The following NELL1 variants were observed in gnomAD, a reference collection of about 807,000 sequenced individuals.
NELL1 encodes neural EGFL like 1, also known as protein kinase C-binding protein NELL1.
In NELL1, 76 loss-of-function variants were observed where a neutral mutation model predicts 107.4. The ratio of observed to expected loss-of-function variants is 0.71; its 90% CI spans 0.59 to 0.86. The LOEUF (loss-of-function observed/expected upper bound fraction) is 0.86, where lower values mean the gene tolerates loss of function less well. Ranked by LOEUF, NELL1 falls within the 40% of genes least tolerant of loss-of-function variation. The probability of loss-of-function intolerance (pLI) is 0.00; values close to 1 mark genes in which losing one functional copy is unlikely to be tolerated. For synonymous variants in NELL1, 353 were observed against 341.2 expected, an observed-to-expected ratio of 1.03 and a Z score of -0.38; for missense variants, 1,024 against 1,005.5, an observed-to-expected ratio of 1.02 and a Z score of -0.25.
chr11:21,562,137 C>T (rs1856864584), intron 17 of NELL1, among the ~76,000 whole-genome samples: 1 of 152,032 alleles, frequency 6.6e-6, no homozygotes, highest in Non-Finnish European at 1.5e-5. Flanking sequence ...ATTCTTCTTT[C>T]AGTTTTTGTT....
chr11:21,008,271 G>A (rs1330050710), intron 12 of NELL1, among the ~76,000 whole-genome samples: 2 of 152,074 alleles, frequency 1.3e-5, no homozygotes, highest in African/African-American at 4.8e-5. Flanking sequence ...TATACCTTAA[G>A]TGTAGCTGAA....
chr11:21,249,373 C>T (rs1317929089), intron 14 of NELL1, among the ~76,000 whole-genome samples: 1 of 151,816 alleles, frequency 6.6e-6, no homozygotes, highest in East Asian at 1.9e-4. Flanking sequence ...TCAATTTCAA[C>T]AGATATATTC....
intron 15 of NELL1, among the ~76,000 whole-genome samples, chr11:21,519,697 A>G (rs1855669881): frequency 6.6e-6 from 1 of 152,016 alleles, no homozygotes; most frequent in African/African-American, 2.4e-5. Context: ...AGGATGAAGG[A>G]TGGGGAATGT....
At chr11:21,560,471 G>A (rs1351193278) in intron 17 of NELL1, 89 bp downstream of exon 17, 2 of 1,161,384 alleles carry the variant, frequency 1.7e-6, no homozygotes, top group Non-Finnish European at 2.4e-6. Flanking sequence ...CCCTCTTGCT[G>A]TTGACTGTAG....
chr11:20,671,124 C>G (rs1853896466), intron 1 of NELL1: 1 of 152,372 alleles, frequency 6.6e-6, no homozygotes, highest in Non-Finnish European at 1.5e-5. Context: ...CCTCCCATTC[C>G]GTTCCTTACC....
intron 15 of NELL1, among the ~76,000 whole-genome samples, chr11:21,379,816 A>T (rs904521789): frequency 1.3e-5 from 2 of 152,084 alleles, no homozygotes; most frequent in Admixed American, 1.3e-4. Flanking sequence ...AAAAAGAATG[A>T]TCAGAAACAA....
intron 2 of NELL1, among the ~76,000 whole-genome samples, chr11:20,771,764 C>A (rs1384864564): frequency 6.6e-6 from 1 of 152,100 alleles, no homozygotes; most frequent in Non-Finnish European, 1.5e-5. Context: ...CTTCTGTGTG[C>A]CACAACTGTC....
intron 12 of NELL1, among the ~76,000 whole-genome samples, chr11:21,086,913 C>T (rs1182559351): frequency 2.1e-5 from 3 of 146,000 alleles, no homozygotes; most frequent in Non-Finnish European, 4.5e-5. Flanking sequence ...CTCACTGCAA[C>T]CTCCCCCTCC....
chr11:21,228,755 C>T (rs971835870), intron 13 of NELL1, among the ~76,000 whole-genome samples: 1 of 129,738 alleles, frequency 7.7e-6, no homozygotes, highest in African/African-American at 2.8e-5. Context: ...CTGCCCTCCC[C>T]TCCTTTCCTC....
chr11:20,848,016 A>C (rs1432099894), intron 4 of NELL1, among the ~76,000 whole-genome samples: 1 of 152,192 alleles, frequency 6.6e-6, no homozygotes, highest in Non-Finnish European at 1.5e-5. Flanking sequence ...GGAAATAGTA[A>C]GTGCACCTCA....
chr11:21,417,934 ACTTTT>A (rs944058939), intron 15 of NELL1, among the ~76,000 whole-genome samples: 9 of 151,970 alleles, frequency 5.9e-5, no homozygotes, highest in Non-Finnish European at 1.0e-4. Flanking sequence ...GCACCTGGGG[ACTTTT>A]CTTCTTTTTA....
chr11:21,553,098 A>C (rs916137058), intron 16 of NELL1, among the ~76,000 whole-genome samples: 5 of 151,856 alleles, frequency 3.3e-5, no homozygotes, highest in Admixed American at 6.6e-5. Flanking sequence ...TGCTTCTTGT[A>C]GTGAATGAAA....
chr11:20,828,063 A>G (rs1293964224), intron 3 of NELL1, among the ~76,000 whole-genome samples: 1 of 151,270 alleles, frequency 6.6e-6, no homozygotes, highest in African/African-American at 2.4e-5. Context: ...CATCTTTAGT[A>G]TTATATAAAC....
intron 15 of NELL1, among the ~76,000 whole-genome samples, chr11:21,533,499 A>G (rs933269132): frequency 6.6e-6 from 1 of 152,196 alleles, no homozygotes; most frequent in African/African-American, 2.4e-5. Context: ...TTCTGTTACA[A>G]TGAACTGAAC....
intron 14 of NELL1, among the ~76,000 whole-genome samples, chr11:21,231,803 T>C (rs1383984817): frequency 6.6e-6 from 1 of 152,258 alleles, no homozygotes; most frequent in Non-Finnish European, 1.5e-5. Flanking sequence ...GGAAAATAAT[T>C]TTCTTAAAGT....
At chr11:20,787,383 C>T (rs147544802) in intron 3 of NELL1, among the ~76,000 whole-genome samples, 2,678 of 152,198 alleles carry the variant, frequency 0.018, 28 homozygotes, top group South Asian at 0.033. Flanking sequence ...AACTCTCCTC[C>T]CCTCGCCAAA....
chr11:21,362,293 C>A (rs1851094388), intron 14 of NELL1, among the ~76,000 whole-genome samples: 1 of 152,136 alleles, frequency 6.6e-6, no homozygotes, highest in African/African-American at 2.4e-5. Context: ...GCAGAGCTAC[C>A]ATGCTCCAGG....
At chr11:21,280,130 G>C (rs1183589387) in intron 14 of NELL1, among the ~76,000 whole-genome samples, 2 of 152,130 alleles carry the variant, frequency 1.3e-5, no homozygotes, top group Non-Finnish European at 2.9e-5. Flanking sequence ...TACTACAATG[G>C]TGGATACCTA....
At chr11:20,942,210 T>C (rs1850869424) in intron 10 of NELL1, among the ~76,000 whole-genome samples, 1 of 152,216 alleles carries the variant, frequency 6.6e-6, no homozygotes, top group Non-Finnish European at 1.5e-5. Flanking sequence ...ATTCTGTCTC[T>C]CATTGGCCAG....
Sources: gnomAD v4.1 joint callset for allele counts (sites outside exome capture counted in the v4.1 genomes callset) on GRCh38, gnomAD v4.1.1 for gene constraint, MANE v1.5 for transcripts, NCBI Gene and HGNC (gene_info 2026-07-23, HGNC 2026-07-21) for gene names.